The following NAT8L variants were observed in gnomAD, a reference collection of about 807,000 sequenced individuals.
The protein encoded by NAT8L is N-acetylaspartate synthetase.
A neutral mutation model predicts 21.2 loss-of-function variants in NAT8L; 6 were observed. The observed-to-expected ratio is 0.28, with a 90% CI of 0.16 to 0.56. The LOEUF (loss-of-function observed/expected upper bound fraction) is 0.56, where lower values mean the gene tolerates loss of function less well. Ranked by LOEUF, NAT8L falls within the 20% of genes least tolerant of loss-of-function variation. The pLI is 0.93. For missense variants in NAT8L, 331 were observed against 433.3 expected, an observed-to-expected ratio of 0.76 and a Z score of 2.10; for synonymous variants, 239 against 204.9, an observed-to-expected ratio of 1.17 and a Z score of -1.42.
At chr4:2,061,185 C>G in intron 2 of NAT8L, 23 bp downstream of exon 2, 1 of 1,610,190 alleles carries the variant, frequency 6.2e-7, no homozygotes, top group Admixed American at 1.7e-5. Context: ...CCCGCCGCTC[C>G]CCGACCTCCG....
In NAT8L at chr4:2,059,877, C is replaced by T. The variant is rs754654759; in HGVS notation, c.366C>T (p.Ala122=). The part of the protein sequence containing the change: ...RQHPRAQLLY[A]LLAALCFAVS... ...ACCCGCGCGCGCAGCTGCTCTACGC[C>T]CTGCTGGCGGGTCAGTGCGCCGGGC... The change falls in exon 1 of 3, where the codon GCC becomes GCT. Residue 122 remains alanine, a synonymous_variant. Transcript: ENST00000423729. The surrounding 1 kb of genome is among the most constrained non-coding windows in gnomAD (Gnocchi z 4.8). 1.1e-5 allele frequency: 15 copies of T among 1,340,624 alleles called. No homozygotes were observed. The highest frequency in any genetic ancestry group is 1.5e-5 in the South Asian group (1 of 67,256). 83.0% of individuals were successfully genotyped at this position (1,340,624 alleles called of 1,614,324 possible). A position where few individuals can be genotyped will look rare whatever the true frequency, so the allele number is the denominator to read the frequency against.
At position 2,068,619 on chromosome 4, in the gene NAT8L, T is replaced by C. The variant is rs1730056561; in HGVS notation, c.*4492T>C. The C allele has an allele frequency of 6.6e-6, 1 of 152,150 alleles. No homozygotes were observed. The highest frequency in any genetic ancestry group is 1.5e-5 in the Non-Finnish European group (1 of 68,036). 9.4% of individuals were successfully genotyped at this position (152,150 alleles called of 1,614,324 possible). On this transcript the variant is annotated 3_prime_UTR_variant, in exon 3 of 3. Coordinates refer to ENST00000423729, the MANE Select transcript of NAT8L (RefSeq NM_178557.4). ...GTGAGCTGTACATGTAGAGTGTACA[T>C]GTGTGTTGCATGAGCATGCATGCGT... is the stretch of plus-strand genomic sequence containing the variant.
rs28676790 is a variant in NAT8L at position 2,060,299 on chromosome 4, C to T, written c.376+412C>T. Among the ~76,000 whole-genome samples, 568 of 152,292 alleles carry T rather than the reference C, an allele frequency of 3.7e-3. 5 individuals carry two copies. The highest frequency in any genetic ancestry group is 0.013 in the African/African-American group (534 of 41,588). On this transcript the variant is annotated intron_variant, in intron 1 of 2. Transcript: ENST00000423729. The surrounding 1 kb of genome is among the most constrained non-coding windows in gnomAD (Gnocchi z 4.7). ...TTTATGAGGGGAAGACAGCCGGCGC[C>T]GCGGGGGGTGCGCGCGCCTGGCACA...
chr4:2,062,616 C>T (rs1729915544), intron 2 of NAT8L, among the ~76,000 whole-genome samples: 1 of 152,062 alleles, frequency 6.6e-6, no homozygotes, highest in Non-Finnish European at 1.5e-5. Context: ...TGCCCAGTGG[C>T]TCCCCCCCAC....
Position 2,059,916 on chromosome 4 carries a change from A to G in NAT8L, c.376+29A>G. On this transcript the variant is annotated intron_variant, in intron 1 of 2. Coordinates refer to ENST00000423729, the MANE Select transcript of NAT8L (RefSeq NM_178557.4). The surrounding 1 kb of genome is among the most constrained non-coding windows in gnomAD (Gnocchi z 4.8). ...AGTGCGCCGGGCCCCCGGCTGCCGC[A>G]GTCCCTCGGGCCGGCGCGGAGCTCC... is the stretch of plus-strand genomic sequence containing the variant. The G allele has an allele frequency of 1.6e-6, 2 of 1,216,346 alleles. No individual in the cohort carries two copies. Among genetic ancestry groups the G allele is most frequent in the South Asian group, 2.4e-5 (1 of 41,490 alleles). 75.3% of individuals were successfully genotyped at this position (1,216,346 alleles called of 1,614,324 possible). A position where few individuals can be genotyped will look rare whatever the true frequency, so the allele number is the denominator to read the frequency against.
rs1161772621 is a variant in NAT8L, at chr4:2,059,799, C to T, written c.288C>T (p.Tyr96=). The T allele has an allele frequency of 1.4e-6, 2 of 1,384,162 alleles. No homozygotes were observed. The highest frequency in any genetic ancestry group is 1.9e-6 in the Non-Finnish European group (2 of 1,059,328). 85.7% of individuals were successfully genotyped at this position (1,384,162 alleles called of 1,614,324 possible). A position where few individuals can be genotyped will look rare whatever the true frequency, so the allele number is the denominator to read the frequency against. The change falls in exon 1 of 3, where the codon TAC becomes TAT. Residue 96 remains tyrosine (Y), a synonymous_variant. Coordinates refer to ENST00000423729, the MANE Select transcript of NAT8L (RefSeq NM_178557.4). The surrounding 1 kb of genome is among the most constrained non-coding windows in gnomAD (Gnocchi z 4.8). Reference sequence around the variant, plus strand: ...AGGAGGCGGCGCGCCGCATCTTCTACGACGGCATCATGGAGCGCATCCCTA... The same window carrying T: ...AGGAGGCGGCGCGCCGCATCTTCTATGACGGCATCATGGAGCGCATCCCTA... ...AEQEAARRIF[Y]DGIMERIPNT...
Position 2,064,000 on chromosome 4 carries a change from C to T in NAT8L, c.782C>T (p.Ser261Leu), listed in dbSNP as rs1729942700. The change falls in exon 3 of 3, where the codon TCG (serine) becomes TTG (leucine). Residue 261 changes from serine (S) to leucine (L), a missense_variant. Transcript: ENST00000423729. ...VKVAAHKLYE[S>L]LGFRHMGASD... ...GTGGCCGCCCACAAGCTCTACGAGT[C>T]GCTGGGCTTCAGACACATGGGCGCC... 1 of 1,611,804 alleles carries T rather than the reference C, an allele frequency of 6.2e-7. No homozygotes were observed. Among genetic ancestry groups the T allele is most frequent in the Non-Finnish European group, 8.5e-7 (1 of 1,179,548 alleles).
In NAT8L at chr4:2,064,058, C is replaced by T. The variant is rs774289865; in HGVS notation, c.840C>T (p.Leu280=). ...SDHYVLPGMT[L]SLAERLFFQV... ...ACTACGTGCTGCCGGGCATGACCCT[C>T]TCGCTGGCTGAGCGCCTCTTCTTCC... The change falls in exon 3 of 3, where the codon CTC becomes CTT. Residue 280 remains leucine, a synonymous_variant. Transcript: ENST00000423729. 6.2e-6 allele frequency: 10 copies of T among 1,610,392 alleles called. No homozygotes were observed. Among genetic ancestry groups the T allele is most frequent in the Middle Eastern group, 1.7e-4 (1 of 5,962 alleles).
At position 2,060,891 on chromosome 4, in the gene NAT8L, A is replaced by C. The variant is rs1186861949; in HGVS notation, c.377-107A>C. The C allele has an allele frequency of 2.0e-6, 1 of 510,476 alleles. No individual in the cohort carries two copies. Among genetic ancestry groups the C allele is most frequent in the Non-Finnish European group, 3.3e-6 (1 of 302,268 alleles). The allele number at this position is 510,476 out of a possible 1,614,324, so 31.6% of individuals were successfully genotyped here. On this transcript the variant is annotated intron_variant, in intron 1 of 2. Coordinates refer to ENST00000423729, the MANE Select transcript of NAT8L (RefSeq NM_178557.4). This position sits in a 1 kb window ranked among gnomAD's most constrained non-coding sequence, Gnocchi z 4.7. ...CACCCGAGATGACCCCGGCTCCTCC[A>C]CCAGGAGCGCGGCCGGGCGCGGCGT...
At position 2,059,949 on chromosome 4, in the gene NAT8L, C is replaced by T. The variant is rs1192077051; in HGVS notation, c.376+62C>T. 4 of 998,270 alleles carry T rather than the reference C, an allele frequency of 4.0e-6. No individual in the cohort carries two copies. Among genetic ancestry groups the T allele is most frequent in the Non-Finnish European group, 5.0e-6 (4 of 802,912 alleles). 61.8% of individuals were successfully genotyped at this position (998,270 alleles called of 1,614,324 possible). On this transcript the variant is annotated intron_variant, in intron 1 of 2. Transcript: ENST00000423729. The surrounding 1 kb of genome is among the most constrained non-coding windows in gnomAD (Gnocchi z 4.8). The stretch of plus-strand genomic sequence containing the variant: ...GGGCCGGCGCGGAGCTCCCCCGCCC[C>T]GGCGTCCACGCGGACCCCGCGCCCG...
In NAT8L at chr4:2,060,082, C is replaced by T. The variant is rs1292084928; in HGVS notation, c.376+195C>T. On this transcript the variant is annotated intron_variant, in intron 1 of 2. Coordinates refer to ENST00000423729, the MANE Select transcript of NAT8L (RefSeq NM_178557.4). This position sits in a 1 kb window ranked among gnomAD's most constrained non-coding sequence, Gnocchi z 4.7. ...GCGCAGGGCCCCGAGCGGGCCGGAGCCGGGGAGGGTCCGGGGTCCGCACCT... is the reference window on the plus strand; with the variant it reads ...GCGCAGGGCCCCGAGCGGGCCGGAGTCGGGGAGGGTCCGGGGTCCGCACCT... Among the ~76,000 whole-genome samples, 1 of 151,858 alleles carries T rather than the reference C, an allele frequency of 6.6e-6. No homozygotes were observed. Among genetic ancestry groups the T allele is most frequent in the African/African-American group, 2.4e-5 (1 of 41,396 alleles).
In NAT8L at chr4:2,066,242, C is replaced by T. The variant is rs528378747; in HGVS notation, c.*2115C>T. ...TTCTGAGAGTCCTGGGCAGTGTGGC[C>T]TTCTCTCATTCTGGTGGCATCTGCG... is the stretch of plus-strand genomic sequence containing the variant. On this transcript the variant is annotated 3_prime_UTR_variant, in exon 3 of 3. Transcript: ENST00000423729. 54 of 152,356 alleles carry T rather than the reference C, an allele frequency of 3.5e-4. No individual in the cohort carries two copies. Among genetic ancestry groups the T allele is most frequent in the African/African-American group, 1.2e-3 (50 of 41,556 alleles). 9.4% of individuals were successfully genotyped at this position (152,356 alleles called of 1,614,324 possible).
In NAT8L at chr4:2,060,666, G is replaced by T. The variant is rs1729836388; in HGVS notation, c.377-332G>T. 6.6e-6 allele frequency among the ~76,000 whole-genome samples: 1 copy of T among 151,734 alleles called. No individual in the cohort carries two copies. Among genetic ancestry groups the T allele is most frequent in the African/African-American group, 2.4e-5 (1 of 41,338 alleles). Reference sequence around the variant, plus strand: ...CTCCCCCGCGCGGGGCCTGGTCTGCGGGGCAGCTCCCTGCCAGGATCTGCC... The same window carrying T: ...CTCCCCCGCGCGGGGCCTGGTCTGCTGGGCAGCTCCCTGCCAGGATCTGCC... On this transcript the variant is annotated intron_variant, in intron 1 of 2. Coordinates refer to ENST00000423729, the MANE Select transcript of NAT8L (RefSeq NM_178557.4). The surrounding 1 kb of genome is among the most constrained non-coding windows in gnomAD (Gnocchi z 4.7).
At chr4:2,062,012 A>G (rs1037893448) in intron 2 of NAT8L, among the ~76,000 whole-genome samples, 4 of 152,270 alleles carry the variant, frequency 2.6e-5, no homozygotes, top group Middle Eastern at 6.8e-3. Context: ...CCTAAACCCA[A>G]ACAGAGCATC....
chr4:2,063,745 C>T lies in NAT8L; in HGVS notation c.542-15C>T. 1 of 1,609,966 alleles carries T rather than the reference C, an allele frequency of 6.2e-7. No homozygotes were observed. ...CTTCCTCACCGGGTGTCCCTGACCG[C>T]CCTATCCCCTGCAGGCTCCTGCTTC... On this transcript the variant is annotated splice_polypyrimidine_tract_variant and intron_variant, in intron 2 of 2. Coordinates refer to ENST00000423729, the MANE Select transcript of NAT8L (RefSeq NM_178557.4).
chr4:2,061,072 T>C lies in NAT8L; in HGVS notation c.451T>C (p.Tyr151His), dbSNP rs577256467. ...GGCCGCGCTGCTGGGCCTGCGCTACTACTACAGCCGCAAGGTGATCCGCGC... is the reference window on the plus strand; with the variant it reads ...GGCCGCGCTGCTGGGCCTGCGCTACCACTACAGCCGCAAGGTGATCCGCGC... Reference protein sequence around the residue: ...VPAALLGLRYYYSRKVIRAYL... With the variant: ...VPAALLGLRYHYSRKVIRAYL... The change falls in exon 2 of 3, where the codon TAC (tyrosine) becomes CAC (histidine). Residue 151 changes from tyrosine to histidine, a missense_variant. Physicochemically the swap from Tyr to His is moderately conservative, Grantham distance 83. Coordinates refer to ENST00000423729, the MANE Select transcript of NAT8L (RefSeq NM_178557.4). 1.9e-6 allele frequency: 3 copies of C among 1,608,482 alleles called. No individual in the cohort carries two copies. The highest frequency in any genetic ancestry group is 2.5e-6 in the Non-Finnish European group (3 of 1,177,898).
intron 2 of NAT8L, among the ~76,000 whole-genome samples, chr4:2,063,455 G>A (rs187195352): frequency 1.5e-4 from 23 of 152,392 alleles, no homozygotes; most frequent in Admixed American, 3.9e-4. Flanking sequence ...GAGCAGCGCA[G>A]CCTCCAGGCT....
intron 2 of NAT8L, among the ~76,000 whole-genome samples, chr4:2,063,474 TCCTGGCTGTTGG>T (rs1465839135): frequency 1.3e-5 from 2 of 152,222 alleles, no homozygotes; most frequent in Non-Finnish European, 2.9e-5. Flanking sequence ...CTTGAGTGGG[TCCTGGCTGTTGG>T]CCTGTTGGGT....
chr4:2,063,243 G>A (rs939757433), intron 2 of NAT8L, among the ~76,000 whole-genome samples: 6 of 152,270 alleles, frequency 3.9e-5, no homozygotes, highest in Admixed American at 3.3e-4. Context: ...TGTGGGTGCT[G>A]GAGTTTGCCG....
Sources: gnomAD v4.1 joint callset for allele counts (sites outside exome capture counted in the v4.1 genomes callset) on GRCh38, gnomAD v4.1.1 for gene constraint, Gnocchi (gnomAD v3.1) non-coding constraint, MANE v1.5 for transcripts, NCBI Gene and HGNC (gene_info 2026-07-23, HGNC 2026-07-21) for gene names.